The following PIP4K2A variants were observed in gnomAD, a reference collection of about 807,000 sequenced individuals.
The protein encoded by PIP4K2A is phosphatidylinositol 5-phosphate 4-kinase type-2 alpha.
PIP4K2A carries 14 observed loss-of-function variants against 42.9 expected under a neutral mutation model. That is an observed-to-expected ratio of 0.33 (90% CI 0.22 to 0.51). The LOEUF (loss-of-function observed/expected upper bound fraction) is 0.51. PIP4K2A is among the 20% of genes least tolerant of loss of function. PIP4K2A has a pLI of 0.97. For missense variants in PIP4K2A, 434 were observed against 519.8 expected (o/e 0.83, Z 1.61); for synonymous variants, 192 against 192.2 (o/e 1.00, Z 0.01).
In PIP4K2A at chr10:22,692,195, G is replaced by A. The variant is rs571269517; in HGVS notation, c.144+21988C>T. ...GACAGTGACAGATCATCAGGTATTA[G>A]ATTTTCATAAGGAGTGAGTAACCTA... is the stretch of plus-strand genomic sequence containing the variant. On this transcript the variant is annotated intron_variant, in intron 1 of 9. Transcript: ENST00000376573. Among the ~76,000 whole-genome samples, 3 of 152,064 alleles carry A rather than the reference G, an allele frequency of 2.0e-5. No homozygotes were observed. The South Asian group carries it at 6.2e-4, about 32-fold the overall frequency.
At chr10:22,553,720 C>T (rs973958221) in intron 6 of PIP4K2A, among the ~76,000 whole-genome samples, 16 of 150,400 alleles carry the variant, frequency 1.1e-4, no homozygotes, top group African/African-American at 3.2e-4. Context: ...CCACCCCCAT[C>T]GTCATCATCA....
intron 1 of PIP4K2A, among the ~76,000 whole-genome samples, chr10:22,648,257 C>A (rs1283172898): frequency 6.6e-6 from 1 of 152,104 alleles, no homozygotes; most frequent in African/African-American, 2.4e-5. Flanking sequence ...AGAATATGTA[C>A]AGAAAATATT....
intron 9 of PIP4K2A, 151 bp downstream of exon 9, chr10:22,539,820 T>G: frequency 1.5e-6 from 1 of 681,992 alleles, no homozygotes; most frequent in Non-Finnish European, 2.7e-6. Context: ...TTTGAATGGC[T>G]CAGTAGAAAG....
At chr10:22,561,896 G>A (rs977363339) in intron 6 of PIP4K2A, among the ~76,000 whole-genome samples, 6 of 152,016 alleles carry the variant, frequency 3.9e-5, no homozygotes, top group African/African-American at 1.4e-4. Context: ...GTACCATAAC[G>A]ATCATTTGGA....
intron 1 of PIP4K2A, among the ~76,000 whole-genome samples, chr10:22,624,367 A>T (rs967120309): frequency 1.3e-5 from 2 of 152,246 alleles, no homozygotes; most frequent in African/African-American, 4.8e-5. Flanking sequence ...CTGCGGGCAG[A>T]GGCATAGAAA....
chr10:22,588,156 T>C (rs2130817098), intron 4 of PIP4K2A, among the ~76,000 whole-genome samples: 1 of 152,378 alleles, frequency 6.6e-6, no homozygotes, highest in Non-Finnish European at 1.5e-5. Flanking sequence ...GTGTCACCTA[T>C]ACATTTCCTT....
At chr10:22,697,634 G>A in intron 1 of PIP4K2A, among the ~76,000 whole-genome samples, 1 of 152,104 alleles carries the variant, frequency 6.6e-6, no homozygotes, top group East Asian at 1.9e-4. Flanking sequence ...GCTGAAGCAG[G>A]AGAATCACTT....
chr10:22,603,383 G>C (rs1657162118), intron 3 of PIP4K2A, among the ~76,000 whole-genome samples: 1 of 152,136 alleles, frequency 6.6e-6, no homozygotes, highest in Non-Finnish European at 1.5e-5. Context: ...TGTAACTGAA[G>C]CCTCCGTTTG....
chr10:22,690,052 A>C (rs1267474409), intron 1 of PIP4K2A, among the ~76,000 whole-genome samples: 1 of 152,194 alleles, frequency 6.6e-6, no homozygotes, highest in Non-Finnish European at 1.5e-5. Context: ...ATTTCTCAAA[A>C]CTTAAATTAC....
intron 1 of PIP4K2A, among the ~76,000 whole-genome samples, chr10:22,677,122 CCATGTACATGTTTTG>C (rs1439595041): frequency 1.3e-5 from 2 of 152,096 alleles, no homozygotes; most frequent in African/African-American, 2.4e-5. Flanking sequence ...AAGGAGGTTA[CCATGTACATGTTTTG>C]CATGTACATG....
At chr10:22,629,044 G>C (rs903096203) in intron 1 of PIP4K2A, among the ~76,000 whole-genome samples, 1 of 151,886 alleles carries the variant, frequency 6.6e-6, no homozygotes, top group Non-Finnish European at 1.5e-5. Context: ...TTTTGTTTTT[G>C]GTTTACATAA....
At chr10:22,546,299 G>T (rs1836257164) in intron 7 of PIP4K2A, among the ~76,000 whole-genome samples, 1 of 152,170 alleles carries the variant, frequency 6.6e-6, no homozygotes, top group Non-Finnish European at 1.5e-5. Context: ...TTTGATTATG[G>T]TAGAAGTCTT....
In PIP4K2A at chr10:22,682,842, G is replaced by C. The variant is rs781428422; in HGVS notation, c.144+31341C>G. 5.3e-5 allele frequency among the ~76,000 whole-genome samples: 8 copies of C among 152,262 alleles called. No homozygotes were observed. In the South Asian group the frequency reaches 1.4e-3, roughly 28 times the overall value. ...CCCTTGCTGGGAACACTTGGTAATT[G>C]CAACAGGATCTGAAGAGACACAGAT... is the stretch of plus-strand genomic sequence containing the variant. On this transcript the variant is annotated intron_variant, in intron 1 of 9. Coordinates refer to ENST00000376573, the MANE Select transcript of PIP4K2A (RefSeq NM_005028.5).
Position 22,607,918 on chromosome 10 carries a change from G to C in PIP4K2A, c.339+9C>G, listed in dbSNP as rs1235242280. ...CCTACTGGAAGCAAATGTTACAAAC[G>C]CAACTCACCTGGAAATCTTGATCAT... On this transcript the variant is annotated intron_variant, in intron 3 of 9. Transcript: ENST00000376573. 1.3e-6 allele frequency: 2 copies of C among 1,588,002 alleles called. No individual in the cohort carries two copies. The highest frequency in any genetic ancestry group is 1.7e-6 in the Non-Finnish European group (2 of 1,157,202).
intron 1 of PIP4K2A, among the ~76,000 whole-genome samples, chr10:22,703,917 C>A (rs1193768627): frequency 6.6e-6 from 1 of 152,106 alleles, no homozygotes; most frequent in Non-Finnish European, 1.5e-5. Context: ...GCACCTGGGT[C>A]TATGGTGGTC....
chr10:22,638,368 T>C (rs905737140), intron 1 of PIP4K2A, among the ~76,000 whole-genome samples: 10 of 152,204 alleles, frequency 6.6e-5, no homozygotes, highest in Non-Finnish European at 1.3e-4. Context: ...TGGATGGCCA[T>C]ATTCTTTGGT....
At chr10:22,659,150 G>C (rs1167756146) in intron 1 of PIP4K2A, among the ~76,000 whole-genome samples, 3 of 152,194 alleles carry the variant, frequency 2.0e-5, no homozygotes, top group Admixed American at 6.5e-5. Flanking sequence ...GGTTCCTTCT[G>C]GCTAACACTT....
intron 6 of PIP4K2A, among the ~76,000 whole-genome samples, chr10:22,553,446 G>A (rs1161643167): frequency 1.3e-5 from 2 of 152,204 alleles, no homozygotes; most frequent in Non-Finnish European, 2.9e-5. Flanking sequence ...ACACGCAGCA[G>A]CCTTAGGTAA....
At chr10:22,576,625 C>T (rs1365956659) in intron 4 of PIP4K2A, among the ~76,000 whole-genome samples, 2 of 152,208 alleles carry the variant, frequency 1.3e-5, no homozygotes, top group African/African-American at 4.8e-5. Context: ...CATTTGGAAA[C>T]TGGGAGGTAA....
Sources: gnomAD v4.1 joint callset for allele counts (sites outside exome capture counted in the v4.1 genomes callset) on GRCh38, gnomAD v4.1.1 for gene constraint, MANE v1.5 for transcripts, NCBI Gene and HGNC (gene_info 2026-07-23, HGNC 2026-07-21) for gene names.